The following CCDC146 variants were observed in gnomAD, a reference collection of about 807,000 sequenced individuals.
CCDC146 encodes coiled-coil domain-containing protein 146.
CCDC146 carries 92 observed loss-of-function variants against 119.3 expected under a neutral mutation model. The ratio of observed to expected loss-of-function variants is 0.77; its 90% CI spans 0.65 to 0.92. The LOEUF is 0.92. Among genes scored for constraint, CCDC146 ranks in the 40% least tolerant of loss-of-function variants. CCDC146 has a pLI of 0.00. For synonymous variants in CCDC146, 372 were observed against 371.8 expected (o/e 1.00, Z -0.01); for missense variants, 1,000 against 1,103.0 (o/e 0.91, Z 1.32).
intron 9 of CCDC146, among the ~76,000 whole-genome samples, chr7:77,267,282 C>A (rs995564795): frequency 3.9e-5 from 6 of 152,098 alleles, no homozygotes; most frequent in Non-Finnish European, 5.9e-5. Flanking sequence ...TGTGAGCCAT[C>A]GCGCCTGGCC....
At chr7:77,201,777 A>G (rs946551580) in intron 2 of CCDC146, among the ~76,000 whole-genome samples, 3 of 152,208 alleles carry the variant, frequency 2.0e-5, no homozygotes, top group Non-Finnish European at 1.5e-5. Flanking sequence ...TTTTAGCTAA[A>G]AATATCTATT....
intron 1 of CCDC146, among the ~76,000 whole-genome samples, chr7:77,150,727 C>T (rs1791097685): frequency 6.6e-6 from 1 of 152,174 alleles, no homozygotes; most frequent in Non-Finnish European, 1.5e-5. Context: ...GAAATGAAAA[C>T]TTGTAGTCAC....
rs752263777 is a variant in CCDC146, at chr7:77,196,626, A to G, written c.156+28802A>G. 5 of 1,613,984 alleles carry G rather than the reference A, an allele frequency of 3.1e-6. No homozygotes were observed. In the South Asian group the frequency reaches 5.5e-5, roughly 18 times the overall value. ...CCAACGTGTAAACGATATTTGAGAA[A>G]CTCATTAGCCACATAAAACTGATCA... On this transcript the variant is annotated intron_variant, in intron 2 of 18. Coordinates refer to ENST00000285871, the MANE Select transcript of CCDC146 (RefSeq NM_020879.3). The surrounding 1 kb of genome is among the most constrained non-coding windows in gnomAD (Gnocchi z 4.2).
At chr7:77,198,144 G>T (rs1010068849) in intron 2 of CCDC146, 1 of 985,350 alleles carries the variant, frequency 1.0e-6, no homozygotes, top group Non-Finnish European at 1.2e-6. Context: ...CCTTGGATTC[G>T]CAGTGTGCCA....
In CCDC146 at chr7:77,184,311, A is replaced by G. The variant is rs541427530; in HGVS notation, c.156+16487A>G. 4.6e-5 allele frequency among the ~76,000 whole-genome samples: 7 copies of G among 152,302 alleles called. No homozygotes were observed. In the East Asian group the frequency reaches 1.4e-3, roughly 29 times the overall value. ...CTGCAGGAGCTTAGGGTCTCTGGAA[A>G]CACAGTAGGGTCTCGACTCTAGCAG... On this transcript the variant is annotated intron_variant, in intron 2 of 18. Coordinates refer to ENST00000285871, the MANE Select transcript of CCDC146 (RefSeq NM_020879.3).
intron 2 of CCDC146, among the ~76,000 whole-genome samples, chr7:77,228,588 T>C (rs1792562485): frequency 6.6e-6 from 1 of 152,240 alleles, no homozygotes. Flanking sequence ...ATTCCATGTC[T>C]TTGCTATTGT....
chr7:77,168,354 GTT>G (rs35319656), intron 2 of CCDC146, among the ~76,000 whole-genome samples: 2 of 142,986 alleles, frequency 1.4e-5, no homozygotes, highest in African/African-American at 2.5e-5. Flanking sequence ...TATGAGGAGA[GTT>G]TTTTTTTTTT....
rs201497585 is a variant in CCDC146 at position 77,280,591 on chromosome 7, C to T, written c.1857C>T (p.Ile619=). The change falls in exon 14 of 19, where the codon ATC becomes ATT. Residue 619 remains isoleucine (I), a synonymous_variant. Coordinates refer to ENST00000285871, the MANE Select transcript of CCDC146 (RefSeq NM_020879.3). ...GACTTGCCAACACGATCACAATGAT[C>T]GAAGAGGAGATGGTGCAGCTTCGCA... ...IDRLANTITM[I]EEEMVQLRKR... 7 of 1,613,952 alleles carry T rather than the reference C, an allele frequency of 4.3e-6. No homozygotes were observed. Among genetic ancestry groups the T allele is most frequent in the East Asian group, 4.5e-5 (2 of 44,874 alleles).
intron 4 of CCDC146, among the ~76,000 whole-genome samples, chr7:77,249,530 G>A (rs1356919585): frequency 6.6e-6 from 1 of 150,786 alleles, no homozygotes; most frequent in Non-Finnish European, 1.5e-5. Context: ...TCTTCTCAGA[G>A]GATTGACTCT....
intron 8 of CCDC146, among the ~76,000 whole-genome samples, chr7:77,260,736 C>T (rs1793278307): frequency 6.6e-6 from 1 of 152,202 alleles, no homozygotes; most frequent in Non-Finnish European, 1.5e-5. Flanking sequence ...AAGTGATTCT[C>T]CTGCCTCAGC....
chr7:77,233,319 C>T (rs151057034), intron 2 of CCDC146, among the ~76,000 whole-genome samples: 1 of 151,760 alleles, frequency 6.6e-6, no homozygotes, highest in African/African-American at 2.4e-5. Flanking sequence ...CTCAAACTCC[C>T]GACCTCAGGT....
chr7:77,175,829 G>T (rs1389161295), intron 2 of CCDC146, among the ~76,000 whole-genome samples: 1 of 151,214 alleles, frequency 6.6e-6, no homozygotes, highest in Non-Finnish European at 1.5e-5. Flanking sequence ...CACCTCCTGT[G>T]CTGGATTATG....
chr7:77,142,394 A>G (rs1453135334), intron 1 of CCDC146, among the ~76,000 whole-genome samples: 2 of 151,814 alleles, frequency 1.3e-5, no homozygotes, highest in Non-Finnish European at 2.9e-5. Context: ...GGTTTGTTAC[A>G]TATGTATACA....
At position 77,280,600 on chromosome 7, in the gene CCDC146, G is replaced by A. The variant is rs1793744857; in HGVS notation, c.1866G>A (p.Glu622=). ...ACACGATCACAATGATCGAAGAGGA[G>A]ATGGTGCAGCTTCGCAAAAGATACG... ...LANTITMIEE[E]MVQLRKRYEK... is the part of the protein sequence containing the mutation. Residue 622 remains glutamate (E), a synonymous_variant, in exon 14 of 19, where the codon GAG becomes GAA. Transcript: ENST00000285871. The A allele has an allele frequency of 1.2e-6, 2 of 1,613,986 alleles. No homozygotes were observed. Among genetic ancestry groups the A allele is most frequent in the South Asian group, 2.2e-5 (2 of 91,048 alleles).
At chr7:77,141,566 C>T (rs559796312) in intron 1 of CCDC146, among the ~76,000 whole-genome samples, 1 of 152,292 alleles carries the variant, frequency 6.6e-6, no homozygotes, top group South Asian at 2.1e-4. Context: ...TTCTCCATAT[C>T]CTCTCCAGCA....
At chr7:77,255,258 C>A (rs550142549) in intron 5 of CCDC146, 1 of 152,128 alleles carries the variant, frequency 6.6e-6, no homozygotes, top group Non-Finnish European at 1.5e-5. Flanking sequence ...ATGGGCAAGT[C>A]TAGAATCAAG....
chr7:77,293,186 G>C lies in CCDC146; in HGVS notation c.2650G>C (p.Ala884Pro). The C allele has an allele frequency of 6.2e-7, 1 of 1,613,876 alleles. No individual in the cohort carries two copies. Among genetic ancestry groups the C allele is most frequent in the Non-Finnish European group, 8.5e-7 (1 of 1,179,984 alleles). ...TGAAGAAATGCACGCCTTGGCCATC[G>C]CTGAAAAGTCTCAGGTAGGCTTTGG... is the stretch of plus-strand genomic sequence containing the variant. ...RDEEMHALAI[A>P]EKSQEFLEAD... Residue 884 changes from alanine (A) to proline (P), a missense_variant, in exon 18 of 19, where the codon GCT becomes CCT. Physicochemically the swap from Ala to Pro is conservative, Grantham distance 27. Transcript: ENST00000285871.
chr7:77,149,946 C>T (rs1261709056), intron 1 of CCDC146, among the ~76,000 whole-genome samples: 1 of 151,406 alleles, frequency 6.6e-6, no homozygotes, highest in Non-Finnish European at 1.5e-5. Flanking sequence ...CTTGAGAATT[C>T]AATGGGAAGA....
At chr7:77,287,878 A>G (rs1212306601) in intron 17 of CCDC146, among the ~76,000 whole-genome samples, 1 of 152,246 alleles carries the variant, frequency 6.6e-6, no homozygotes, top group Non-Finnish European at 1.5e-5. Flanking sequence ...GCACAAAGTT[A>G]AATCCTTTTT....
Sources: allele counts gnomAD v4.1 joint callset (sites outside exome capture counted in the v4.1 genomes callset), GRCh38; gene constraint gnomAD v4.1.1; non-coding constraint Gnocchi (gnomAD v3.1); transcripts MANE v1.5; gene names NCBI Gene and HGNC (gene_info 2026-07-23, HGNC 2026-07-21).